Variants in UBN1 observed in about 807,000 individuals in gnomAD.
UBN1 encodes the protein ubinuclein 1.
In UBN1, 17 loss-of-function variants were observed where a neutral mutation model predicts 108.5. The ratio of observed to expected loss-of-function variants is 0.16; its 90% confidence interval spans 0.11 to 0.24. The LOEUF is 0.24. UBN1 is among the 10% of genes least tolerant of loss of function. UBN1 has a pLI of 1.00. For synonymous variants in UBN1, 726 were observed against 564.2 expected, an observed-to-expected ratio of 1.29 and a Z score of -4.07; for missense variants, 1,595 against 1,394.4, an observed-to-expected ratio of 1.14 and a Z score of -2.29.
intron 1 of UBN1, among the ~76,000 whole-genome samples, chr16:4,849,618 T>TTTCA: frequency 6.7e-6 from 1 of 149,776 alleles, no homozygotes; most frequent in Non-Finnish European, 1.5e-5. Flanking sequence ...TGAGACGGAG[T>TTTCA]TTCACTCTTG....
chr16:4,858,856 A>T, intron 4 of UBN1, 169 bp from the exon 5 acceptor site: 1 of 1,014,446 alleles, frequency 9.9e-7, no homozygotes, highest in Non-Finnish European at 1.5e-6. Context: ...TGATGACCAG[A>T]TCTGTCCAAA....
At chr16:4,869,891 G>A (rs1461515319) in intron 8 of UBN1, among the ~76,000 whole-genome samples, 14 of 152,198 alleles carry the variant, frequency 9.2e-5, no homozygotes, top group Admixed American at 8.5e-4. Flanking sequence ...AGTAACTCAT[G>A]ACTTTCCACT....
chr16:4,870,377 G>T (rs2087566324), intron 9 of UBN1, 36 bp downstream of exon 9: 2 of 1,612,502 alleles, frequency 1.2e-6, no homozygotes, highest in African/African-American at 2.7e-5. Flanking sequence ...TTGGCTTTGG[G>T]GTCCTGGCGG....
chr16:4,860,992 G>A lies in UBN1; in HGVS notation c.1000G>A (p.Asp334Asn), dbSNP rs750500309. 1.4e-5 allele frequency: 23 copies of A among 1,614,154 alleles called. No individual in the cohort carries two copies. Among genetic ancestry groups the A allele is most frequent in the African/African-American group, 5.3e-5 (4 of 74,958 alleles). ...AGGAAGTCCCTTCCGAGATATGGAT[G>A]ATGGAAGTGATTCCCTTGGGGTGGG... ...PEGSPFRDMDDGSDSLGVGLD... is the reference protein window; with the variant it reads ...PEGSPFRDMDNGSDSLGVGLD... Residue 334 changes from aspartate to asparagine, a missense_variant, in exon 7 of 18, where the codon GAT becomes AAT. By Grantham distance (23) the Asp-to-Asn change is conservative. This residue lies in a region of UBN1 where 1,398 missense variants were observed against 1,194.7 expected (regional missense o/e 1.17). Transcript: ENST00000262376.
chr16:4,877,762 G>T lies in UBN1; in HGVS notation c.3355+288G>T. ...GTGCGCTTTTGTGTGCGGTGGAGGA[G>T]TTCCTAACCCTCGGCTTGTTTTTTT... On this transcript the variant is annotated intron_variant, in intron 17 of 17. Transcript: ENST00000262376. The surrounding 1 kb of genome is among the most constrained non-coding windows in gnomAD (Gnocchi z 4.3). The T allele has an allele frequency of 1.8e-6, 2 of 1,126,630 alleles. No individual in the cohort carries two copies. Among genetic ancestry groups the T allele is most frequent in the Non-Finnish European group, 1.1e-6 (1 of 923,154 alleles). The allele number at this position is 1,126,630 out of a possible 1,614,324, so 69.8% of individuals were successfully genotyped here.
chr16:4,847,862 G>C lies in UBN1; in HGVS notation c.-388G>C, dbSNP rs1459387817. ...TCCGCTCCCGCCGCCCGTGTTCTTT[G>C]GAGCGCTCCTCCCGACGGCCGCTTT... On this transcript the variant is annotated 5_prime_UTR_variant, in exon 1 of 18. Coordinates refer to ENST00000262376, the MANE Select transcript of UBN1 (RefSeq NM_001079514.3). 2 of 152,644 alleles carry C rather than the reference G, an allele frequency of 1.3e-5. No individual in the cohort carries two copies. Among genetic ancestry groups the C allele is most frequent in the Non-Finnish European group, 2.9e-5 (2 of 68,432 alleles). 9.5% of individuals were successfully genotyped at this position (152,644 alleles called of 1,614,324 possible). A position where few individuals can be genotyped will look rare whatever the true frequency, so the allele number is the denominator to read the frequency against.
At chr16:4,864,322 G>A (rs2087218781) in intron 7 of UBN1, among the ~76,000 whole-genome samples, 1 of 152,030 alleles carries the variant, frequency 6.6e-6, no homozygotes, top group Non-Finnish European at 1.5e-5. Flanking sequence ...TCCCTTAGGG[G>A]AAAAAACTCT....
chr16:4,849,747 C>T (rs2086449495), intron 1 of UBN1, among the ~76,000 whole-genome samples: 1 of 151,738 alleles, frequency 6.6e-6, no homozygotes, highest in African/African-American at 2.4e-5. Flanking sequence ...GGTGTGCCAC[C>T]ATACCTGGCT....
At position 4,875,305 on chromosome 16, in the gene UBN1, T is replaced by C. The variant is rs2142279915; in HGVS notation, c.2895T>C (p.Thr965=). 1.2e-6 allele frequency: 2 copies of C among 1,614,246 alleles called. No individual in the cohort carries two copies. The highest frequency in any genetic ancestry group is 1.7e-6 in the Non-Finnish European group (2 of 1,180,046). The stretch of plus-strand genomic sequence containing the variant: ...AAATGCCTGTTTCCCAGAAGTTGAC[T>C]CTGGTAGCCCCTCCAGGCGGTCCAA... ...GKKMPVSQKL[T]LVAPPGGPNG... The change falls in exon 15 of 18, where the codon ACT becomes ACC. Residue 965 remains threonine (T), a synonymous_variant. Coordinates refer to ENST00000262376, the MANE Select transcript of UBN1 (RefSeq NM_001079514.3).
rs2087912988 is a variant in UBN1, at chr16:4,876,933, C to T, written c.3087C>T (p.Ser1029=). 1.9e-6 allele frequency: 3 copies of T among 1,614,002 alleles called. No homozygotes were observed. The highest frequency in any genetic ancestry group is 2.5e-6 in the Non-Finnish European group (3 of 1,180,010). ...GSSLMASPYK[S]SSPKLSGAMS... ...CTTTGATGGCTTCACCCTACAAATC[C>T]AGCAGCCCAAAGCTGTCTGGGGCCA... is the stretch of plus-strand genomic sequence containing the variant. Residue 1029 remains serine, a synonymous_variant, in exon 16 of 18, where the codon TCC becomes TCT. Coordinates refer to ENST00000262376, the MANE Select transcript of UBN1 (RefSeq NM_001079514.3).
intron 7 of UBN1, 101 bp downstream of exon 7, chr16:4,861,203 G>C: frequency 7.6e-7 from 1 of 1,321,946 alleles, no homozygotes; most frequent in South Asian, 1.5e-5. Context: ...CTCTTAGTGA[G>C]TTGGCAGTTA....
rs149245688 is a variant in UBN1 at position 4,868,027 on chromosome 16, A to G, written c.1111-806A>G. Among the ~76,000 whole-genome samples the G allele has an allele frequency of 6.9e-3, 1,054 of 152,238 alleles. 23 individuals carry two copies. Among genetic ancestry groups the G allele is most frequent in the African/African-American group, 0.024 (1,008 of 41,524 alleles). ...CACTTTTGAGAGTGTGCATTCCTGAATCTCCTTTCCAGAGACTGTGATTTG... is the reference window on the plus strand; with the variant it reads ...CACTTTTGAGAGTGTGCATTCCTGAGTCTCCTTTCCAGAGACTGTGATTTG... On this transcript the variant is annotated intron_variant, in intron 7 of 17. Coordinates refer to ENST00000262376, the MANE Select transcript of UBN1 (RefSeq NM_001079514.3).
At chr16:4,850,770 T>A (rs1300652136) in intron 1 of UBN1, among the ~76,000 whole-genome samples, 1 of 152,252 alleles carries the variant, frequency 6.6e-6, no homozygotes, top group Non-Finnish European at 1.5e-5. Context: ...CAAATACGTC[T>A]ACATGTATGT....
rs775954209 is a variant in UBN1, at chr16:4,874,545, C to T, written c.2135C>T (p.Thr712Ile). The change falls in exon 15 of 18, where the codon ACA becomes ATA. Residue 712 changes from threonine (T) to isoleucine (I), a missense_variant. Physicochemically the swap from Thr to Ile is moderately conservative, Grantham distance 89. Transcript: ENST00000262376. ...PAEKVGGVLCTEEKRNFAKPS... is the reference protein window; with the variant it reads ...PAEKVGGVLCIEEKRNFAKPS... ...GAAAAAGTTGGAGGCGTTTTATGTACAGAAGAAAAAAGGAACTTTGCGAAG... is the reference window on the plus strand; with the variant it reads ...GAAAAAGTTGGAGGCGTTTTATGTATAGAAGAAAAAAGGAACTTTGCGAAG... 2.2e-5 allele frequency: 35 copies of T among 1,614,098 alleles called. No homozygotes were observed. The South Asian group carries it at 3.6e-4, about 17-fold the overall frequency.
chr16:4,870,891 C>T lies in UBN1; in HGVS notation c.1478C>T (p.Ser493Leu), dbSNP rs759492180. Residue 493 changes from serine to leucine, a missense_variant, in exon 11 of 18, where the codon TCG becomes TTG. By Grantham distance (145) the Ser-to-Leu change is moderately radical. Coordinates refer to ENST00000262376, the MANE Select transcript of UBN1 (RefSeq NM_001079514.3). ...KDKEQRDRIC[S>L]DEEEDEEKGG... The stretch of plus-strand genomic sequence containing the variant: ...AAGGAGCAGAGGGACCGGATTTGTT[C>T]GGATGAGGAAGAAGATGAAGAAAAA... 8 of 1,613,804 alleles carry T rather than the reference C, an allele frequency of 5.0e-6. No individual in the cohort carries two copies. In the Admixed American group the frequency reaches 8.3e-5, roughly 17 times the overall value.
At chr16:4,870,394 G>C (rs2087567796) in intron 9 of UBN1, 53 bp downstream of exon 9, 3 of 1,611,174 alleles carry the variant, frequency 1.9e-6, no homozygotes, top group Admixed American at 1.7e-5. Context: ...GCGGAGGGGT[G>C]ACTGAGTCTT....
chr16:4,858,173 T>C (rs2086897911), intron 3 of UBN1, 97 bp downstream of exon 3: 2 of 839,824 alleles, frequency 2.4e-6, no homozygotes, highest in Non-Finnish European at 2.0e-6. Context: ...TAAACACTGA[T>C]CTGGAAGTAA....
In UBN1 at chr16:4,881,044, C is replaced by G. The variant is rs1272608531; in HGVS notation, c.*912C>G. 2 of 152,522 alleles carry G rather than the reference C, an allele frequency of 1.3e-5. No individual in the cohort carries two copies. Among genetic ancestry groups the G allele is most frequent in the Non-Finnish European group, 2.9e-5 (2 of 68,056 alleles). 9.4% of individuals were successfully genotyped at this position (152,522 alleles called of 1,614,324 possible). The stretch of plus-strand genomic sequence containing the variant: ...TGTGCCGTCCTGACTAGAAGGTTGT[C>G]TGGGCCCCCAAATTCCAAGTCCCAG... On this transcript the variant is annotated 3_prime_UTR_variant, in exon 18 of 18. Coordinates refer to ENST00000262376, the MANE Select transcript of UBN1 (RefSeq NM_001079514.3).
chr16:4,873,482 A>T (rs947928399), intron 14 of UBN1, among the ~76,000 whole-genome samples: 1 of 152,226 alleles, frequency 6.6e-6, no homozygotes, highest in African/African-American at 2.4e-5. Context: ...AATGGAGGGC[A>T]ATATAGTGGC....
Sources: allele counts gnomAD v4.1 joint callset (sites outside exome capture counted in the v4.1 genomes callset), GRCh38; gene constraint gnomAD v4.1.1; regional missense constraint gnomAD v4.1.1; non-coding constraint Gnocchi (gnomAD v3.1); transcripts MANE v1.5; gene names NCBI Gene and HGNC (gene_info 2026-07-23, HGNC 2026-07-21).